The following CNTNAP2 variants were observed in gnomAD, a reference collection of about 807,000 sequenced individuals.
CNTNAP2 encodes contactin-associated protein-like 2.
A neutral mutation model predicts 155.2 loss-of-function variants in CNTNAP2; 98 were observed. That is an observed-to-expected ratio of 0.63 (90% CI 0.54 to 0.75). The LOEUF is 0.75. CNTNAP2 is among the 30% of genes least tolerant of loss of function. The probability of loss-of-function intolerance (pLI) is 0.00; values close to 1 mark genes in which losing one functional copy is unlikely to be tolerated. For missense variants in CNTNAP2, 1,727 were observed against 1,688.1 expected, an observed-to-expected ratio of 1.02 and a Z score of -0.40; for synonymous variants, 651 against 631.2, an observed-to-expected ratio of 1.03 and a Z score of -0.47.
chr7:146,959,523 C>T (rs1797511165), intron 3 of CNTNAP2, among the ~76,000 whole-genome samples: 1 of 150,758 alleles, frequency 6.6e-6, no homozygotes, highest in Non-Finnish European at 1.5e-5. Flanking sequence ...AGTTCGAGAC[C>T]AGCCTGACCA....
intron 1 of CNTNAP2, among the ~76,000 whole-genome samples, chr7:146,169,249 G>C (rs911031015): frequency 6.6e-6 from 1 of 152,070 alleles, no homozygotes; most frequent in African/African-American, 2.4e-5. Flanking sequence ...TCTGCTATTA[G>C]AATGTAAGCC....
At chr7:148,414,865 T>TGCCTG (rs979569241) in intron 23 of CNTNAP2, 15 of 163,504 alleles carry the variant, frequency 9.2e-5, no homozygotes, top group African/African-American at 3.6e-4. Context: ...TCTGGTTTTT[T>TGCCTG]GCCTGGCCTG....
chr7:146,173,982 G>T (rs779728995), intron 1 of CNTNAP2, among the ~76,000 whole-genome samples: 15 of 152,040 alleles, frequency 9.9e-5, no homozygotes, highest in Non-Finnish European at 2.1e-4. Flanking sequence ...TGAGGTGGGA[G>T]GATCATTTGA....
intron 8 of CNTNAP2, among the ~76,000 whole-genome samples, chr7:147,200,600 G>A (rs1279005447): frequency 6.6e-6 from 1 of 152,122 alleles, no homozygotes; most frequent in Non-Finnish European, 1.5e-5. Flanking sequence ...ACAGGCAGAC[G>A]CCACCATTTC....
intron 15 of CNTNAP2, among the ~76,000 whole-genome samples, chr7:148,053,046 CA>C (rs1043269020): frequency 9.9e-5 from 15 of 151,732 alleles, no homozygotes; most frequent in Admixed American, 2.6e-4. Flanking sequence ...GACTCCGTCT[CA>C]AAAAAACAAG....
intron 1 of CNTNAP2, among the ~76,000 whole-genome samples, chr7:146,157,427 A>G (rs953928686): frequency 7.2e-5 from 11 of 152,072 alleles, no homozygotes; most frequent in Admixed American, 3.3e-4. Context: ...CCCACAGAGC[A>G]GGGTGGGACA....
At chr7:147,189,701 C>T (rs1802639208) in intron 8 of CNTNAP2, among the ~76,000 whole-genome samples, 1 of 151,996 alleles carries the variant, frequency 6.6e-6, no homozygotes, top group South Asian at 2.1e-4. Context: ...TAATCTTCTC[C>T]TTACTCTATG....
At chr7:147,850,482 A>T (rs996315028) in intron 13 of CNTNAP2, among the ~76,000 whole-genome samples, 3 of 152,230 alleles carry the variant, frequency 2.0e-5, no homozygotes, top group African/African-American at 7.2e-5. Context: ...CAAAAGAACA[A>T]AGCTGGAGGC....
intron 13 of CNTNAP2, among the ~76,000 whole-genome samples, chr7:147,689,614 C>T (rs894008803): frequency 2.0e-5 from 3 of 152,076 alleles, no homozygotes; most frequent in Non-Finnish European, 2.9e-5. Context: ...GATCAAAACA[C>T]CAAAATATAC....
intron 8 of CNTNAP2, among the ~76,000 whole-genome samples, chr7:147,161,254 AGC>A (rs781593462): frequency 2.2e-4 from 33 of 152,180 alleles, no homozygotes; most frequent in Non-Finnish European, 4.4e-4. Flanking sequence ...CCAGTTGCAT[AGC>A]GCAACTCAGA....
At chr7:147,852,557 G>A (rs185603077) in intron 13 of CNTNAP2, among the ~76,000 whole-genome samples, 1 of 152,280 alleles carries the variant, frequency 6.6e-6, no homozygotes, top group East Asian at 1.9e-4. Context: ...AGATTGAGTA[G>A]ACTATACAAA....
chr7:147,331,888 C>T (rs1795577110), intron 9 of CNTNAP2, among the ~76,000 whole-genome samples: 1 of 152,158 alleles, frequency 6.6e-6, no homozygotes, highest in Non-Finnish European at 1.5e-5. Context: ...AGTGATCTCA[C>T]CAGCTGCTTC....
intron 11 of CNTNAP2, among the ~76,000 whole-genome samples, chr7:147,491,010 G>A (rs1798600744): frequency 6.6e-6 from 1 of 152,086 alleles, no homozygotes. Context: ...CCCTCCCTTG[G>A]CATGTGGGAA....
chr7:146,312,924 GTA>G (rs1563033658), intron 1 of CNTNAP2, among the ~76,000 whole-genome samples: 1 of 152,032 alleles, frequency 6.6e-6, no homozygotes, highest in Admixed American at 6.6e-5. Flanking sequence ...ATTCCATAGT[GTA>G]TATATACTGC....
At chr7:147,297,904 T>A (rs1373878036) in intron 8 of CNTNAP2, among the ~76,000 whole-genome samples, 2 of 152,212 alleles carry the variant, frequency 1.3e-5, no homozygotes, top group Non-Finnish European at 2.9e-5. Flanking sequence ...ATCTCTTCCG[T>A]GTACGTATTT....
At chr7:146,344,887 C>A (rs1486848309) in intron 1 of CNTNAP2, among the ~76,000 whole-genome samples, 3 of 152,136 alleles carry the variant, frequency 2.0e-5, no homozygotes, top group South Asian at 2.1e-4. Flanking sequence ...ACTAAAAATT[C>A]TGGTAAAATT....
chr7:146,315,191 C>A (rs567630191), intron 1 of CNTNAP2, among the ~76,000 whole-genome samples: 11 of 152,258 alleles, frequency 7.2e-5, no homozygotes, highest in African/African-American at 2.6e-4. Context: ...GGAAGCTGGA[C>A]AGATCTAGGG....
At chr7:148,120,640 A>T (rs1804577124) in intron 16 of CNTNAP2, among the ~76,000 whole-genome samples, 1 of 152,194 alleles carries the variant, frequency 6.6e-6, no homozygotes, top group East Asian at 1.9e-4. Flanking sequence ...TATGAAAACC[A>T]TGTGGCCCAT....
chr7:147,237,794 AGT>A (rs1803844228), intron 8 of CNTNAP2, among the ~76,000 whole-genome samples: 1 of 152,230 alleles, frequency 6.6e-6, no homozygotes, highest in Admixed American at 6.5e-5. Flanking sequence ...CTAAAGCAGA[AGT>A]ATTATGAAAC....
Sources: allele counts gnomAD v4.1 joint callset (sites outside exome capture counted in the v4.1 genomes callset), GRCh38; gene constraint gnomAD v4.1.1; transcripts MANE v1.5; gene names NCBI Gene and HGNC (gene_info 2026-07-23, HGNC 2026-07-21).